IQCH: variants seen among roughly 807,000 people sequenced by gnomAD.
IQCH encodes the protein IQ motif containing H.
IQCH carries 98 observed loss-of-function variants against 117.0 expected under a neutral mutation model. The observed-to-expected ratio is 0.84, with a 90% confidence interval of 0.71 to 0.99. IQCH has a LOEUF of 0.99. Among genes scored for constraint, IQCH ranks in the 50% least tolerant of loss-of-function variants. The pLI, the probability that IQCH is intolerant of heterozygous loss-of-function variation, is 0.00. For synonymous variants in IQCH, 412 were observed against 448.2 expected, an observed-to-expected ratio of 0.92 and a Z score of 1.02; for missense variants, 1,102 against 1,243.8, an observed-to-expected ratio of 0.89 and a Z score of 1.72.
At chr15:67,322,487 G>A (rs1968181003) in intron 4 of IQCH, among the ~76,000 whole-genome samples, 1 of 152,034 alleles carries the variant, frequency 6.6e-6, no homozygotes, top group African/African-American at 2.4e-5. Context: ...ATGAAATTTA[G>A]ATATGGTTTG....
intron 4 of IQCH, among the ~76,000 whole-genome samples, chr15:67,314,502 GGAA>G (rs566877677): frequency 1.7e-3 from 209 of 123,962 alleles, no homozygotes; most frequent in African/African-American, 6.2e-3. Context: ...AAAAAAAAAA[GGAA>G]AAGTGGTGTT....
chr15:67,291,633 G>T (rs759764629), intron 4 of IQCH, among the ~76,000 whole-genome samples: 4 of 152,114 alleles, frequency 2.6e-5, no homozygotes, highest in Non-Finnish European at 4.4e-5. Flanking sequence ...ACATTATGTG[G>T]CATAATATGG....
chr15:67,293,365 A>G (rs959474775), intron 4 of IQCH, among the ~76,000 whole-genome samples: 1 of 152,162 alleles, frequency 6.6e-6, no homozygotes, highest in South Asian at 2.1e-4. Flanking sequence ...GATTGGTCCC[A>G]TGATCTCCCT....
Position 67,337,003 on chromosome 15 carries a change from C to G in IQCH, c.416C>G (p.Ser139Cys), listed in dbSNP as rs143836437. The change falls in exon 5 of 21, where the codon TCT becomes TGT. Residue 139 changes from serine to cysteine, a missense_variant. By Grantham distance (112) the Ser-to-Cys change is moderately radical. Around this residue, in one of 2 missense-constraint regions of IQCH, gnomAD observed 452 missense variants for 449.6 expected, o/e 1.01. Transcript: ENST00000335894. ...KIKVSKLIKG[S>C]NISSLTVLPS... is the part of the protein sequence containing the mutation. ...AAGGTTTCGAAGTTAATCAAAGGGT[C>G]TAACATATCCAGCCTCACGGTTCTG... The G allele has an allele frequency of 1.2e-6, 2 of 1,613,620 alleles. No homozygotes were observed. The highest frequency in any genetic ancestry group is 2.7e-5 in the African/African-American group (2 of 74,858).
intron 8 of IQCH, chr15:67,371,412 T>G: frequency 7.9e-7 from 1 of 1,273,378 alleles, no homozygotes; most frequent in Middle Eastern, 2.0e-4. Flanking sequence ...AAATGCTCCC[T>G]TGGTTTTGTT....
chr15:67,310,989 A>C (rs1967564333), intron 4 of IQCH, among the ~76,000 whole-genome samples: 1 of 152,112 alleles, frequency 6.6e-6, no homozygotes. Flanking sequence ...GCATTTATTA[A>C]GTTTGCCAGA....
Position 67,490,852 on chromosome 15 carries a change from G to A in IQCH, c.2861+788G>A, listed in dbSNP as rs1036008478. 4.6e-5 allele frequency among the ~76,000 whole-genome samples: 7 copies of A among 152,172 alleles called. No homozygotes were observed. The highest frequency in any genetic ancestry group is 3.9e-4 in the East Asian group (2 of 5,192). On this transcript the variant is annotated intron_variant, in intron 19 of 20. Transcript: ENST00000335894. The surrounding 1 kb of genome is among the most constrained non-coding windows in gnomAD (Gnocchi z 4.9). Reference sequence around the variant, plus strand: ...TGAGCACAGGCTGCTGGCAACACTCGGAGGCTTCCGCACTTCTCCCAGATT... The same window carrying A: ...TGAGCACAGGCTGCTGGCAACACTCAGAGGCTTCCGCACTTCTCCCAGATT...
At chr15:67,492,421 G>A (rs1306089663) in intron 19 of IQCH, among the ~76,000 whole-genome samples, 3 of 152,122 alleles carry the variant, frequency 2.0e-5, no homozygotes, top group East Asian at 1.9e-4. Context: ...AGCTCCCTTC[G>A]GGTGATGGGA....
rs2082065969 is a variant in IQCH, at chr15:67,433,705, C to A, written c.2505+12128C>A. Among the ~76,000 whole-genome samples the A allele has an allele frequency of 6.6e-6, 1 of 152,168 alleles. No individual in the cohort carries two copies. The highest frequency in any genetic ancestry group is 2.4e-5 in the African/African-American group (1 of 41,436). On this transcript the variant is annotated intron_variant, in intron 16 of 20. Coordinates refer to ENST00000335894, the MANE Select transcript of IQCH (RefSeq NM_001031715.3). This position sits in a 1 kb window ranked among gnomAD's most constrained non-coding sequence, Gnocchi z 5.4. Reference sequence around the variant, plus strand: ...GGACACTCACACTGCACCCTGCTGTCTCCAGCAGGTACTACATTTCTGCAG... The same window carrying A: ...GGACACTCACACTGCACCCTGCTGTATCCAGCAGGTACTACATTTCTGCAG...
At chr15:67,373,468 C>T (rs1181636273) in intron 10 of IQCH, 35 bp downstream of exon 10, 1 of 1,318,980 alleles carries the variant, frequency 7.6e-7, no homozygotes, top group African/African-American at 1.4e-5. Context: ...TATCAGCAAC[C>T]TCTATTACCC....
At chr15:67,256,256 G>A (rs972998532) in intron 1 of IQCH, among the ~76,000 whole-genome samples, 2 of 152,144 alleles carry the variant, frequency 1.3e-5, no homozygotes, top group Non-Finnish European at 2.9e-5. Context: ...AGTCATTGAC[G>A]TCATTACCTG....
intron 4 of IQCH, among the ~76,000 whole-genome samples, chr15:67,333,287 A>G (rs745730622): frequency 5.9e-5 from 9 of 152,254 alleles, no homozygotes; most frequent in Non-Finnish European, 1.3e-4. Context: ...CTACAAAACA[A>G]CAAATCTGAA....
Position 67,454,772 on chromosome 15 carries a change from G to A in IQCH, c.2506-10355G>A, listed in dbSNP as rs528348759. On this transcript the variant is annotated intron_variant, in intron 16 of 20. Transcript: ENST00000335894. The surrounding 1 kb of genome is among the most constrained non-coding windows in gnomAD (Gnocchi z 5.2). ...ATGGCTTAATAATATCCCATTGTAC[G>A]GCTATACCACATTTTGTTAATTTAT... 4.6e-5 allele frequency among the ~76,000 whole-genome samples: 7 copies of A among 152,196 alleles called. No homozygotes were observed. In the East Asian group the frequency reaches 7.7e-4, roughly 17 times the overall value.
At position 67,473,640 on chromosome 15, in the gene IQCH, C is replaced by T. The variant is rs1407300007; in HGVS notation, c.2677-2056C>T. 6.6e-6 allele frequency among the ~76,000 whole-genome samples: 1 copy of T among 152,212 alleles called. No homozygotes were observed. Among genetic ancestry groups the T allele is most frequent in the Non-Finnish European group, 1.5e-5 (1 of 68,040 alleles). Reference sequence around the variant, plus strand: ...TATTCATTCTCTTTTATTTAATAAACACCAAGTGCCTGTTCTGTGCTGGTA... The same window carrying T: ...TATTCATTCTCTTTTATTTAATAAATACCAAGTGCCTGTTCTGTGCTGGTA... On this transcript the variant is annotated intron_variant, in intron 17 of 20. Transcript: ENST00000335894. This position sits in a 1 kb window ranked among gnomAD's most constrained non-coding sequence, Gnocchi z 4.9.
At chr15:67,367,534 G>T (rs568535649) in intron 8 of IQCH, among the ~76,000 whole-genome samples, 34 of 152,198 alleles carry the variant, frequency 2.2e-4, no homozygotes, top group Non-Finnish European at 3.8e-4. Context: ...GGGAGACCCT[G>T]TCTCTAAAAA....
chr15:67,398,729 T>TA (rs879382362), intron 13 of IQCH, among the ~76,000 whole-genome samples: 301 of 142,398 alleles, frequency 2.1e-3, no homozygotes, highest in Middle Eastern at 7.1e-3. Flanking sequence ...ACTCTTTAGT[T>TA]AAAAAAAAAA....
At chr15:67,319,380 T>C (rs1466668962) in intron 4 of IQCH, among the ~76,000 whole-genome samples, 4 of 152,370 alleles carry the variant, frequency 2.6e-5, no homozygotes, top group South Asian at 2.1e-4. Flanking sequence ...AAATCACTTA[T>C]ATTTCATGGG....
At chr15:67,307,161 T>C in intron 4 of IQCH, 1 of 1,021,432 alleles carries the variant, frequency 9.8e-7, no homozygotes, top group Non-Finnish European at 1.2e-6. Context: ...TGTGAGTTGC[T>C]GTAGAATTAT....
intron 18 of IQCH, among the ~76,000 whole-genome samples, chr15:67,482,277 C>A (rs1256300605): frequency 3.3e-5 from 5 of 152,198 alleles, no homozygotes; most frequent in Non-Finnish European, 5.9e-5. Flanking sequence ...TTCAGAATTA[C>A]TACAAAGCCC....
Sources: allele counts gnomAD v4.1 joint callset (sites outside exome capture counted in the v4.1 genomes callset), GRCh38; gene constraint gnomAD v4.1.1; regional missense constraint gnomAD v4.1.1; non-coding constraint Gnocchi (gnomAD v3.1); transcripts MANE v1.5; gene names NCBI Gene and HGNC (gene_info 2026-07-23, HGNC 2026-07-21).